SGPL1: variants seen among roughly 807,000 people sequenced by gnomAD.
The protein encoded by SGPL1 is sphingosine-1-phosphate lyase 1, also known as SP-lyase 1.
A neutral mutation model predicts 68.9 loss-of-function variants in SGPL1; 37 were observed. That is an observed-to-expected ratio of 0.54 (90% CI 0.41 to 0.71). The LOEUF (loss-of-function observed/expected upper bound fraction) is 0.71. Among genes scored for constraint, SGPL1 ranks in the 30% least tolerant of loss-of-function variants. SGPL1 has a pLI of 0.00. For missense variants in SGPL1, 551 were observed against 704.6 expected (o/e 0.78, Z 2.47); for synonymous variants, 236 against 248.5 (o/e 0.95, Z 0.47).
At chr10:70,839,008 A>T (rs116498974) in intron 2 of SGPL1, among the ~76,000 whole-genome samples, 1 of 152,206 alleles carries the variant, frequency 6.6e-6, no homozygotes, top group African/African-American at 2.4e-5. Context: ...TGTTGGGTAC[A>T]TTCATGAAAA....
chr10:70,845,036 C>T (rs140025578), intron 3 of SGPL1, among the ~76,000 whole-genome samples: 282 of 152,234 alleles, frequency 1.9e-3, no homozygotes, highest in African/African-American at 6.7e-3. Flanking sequence ...CCGTGCCCGG[C>T]CCTGGTTTGG....
chr10:70,819,545 G>C (rs1203831019), intron 2 of SGPL1, among the ~76,000 whole-genome samples: 1 of 151,710 alleles, frequency 6.6e-6, no homozygotes, highest in Non-Finnish European at 1.5e-5. Flanking sequence ...TGGGAAGAAA[G>C]GACCTAAGTG....
chr10:70,870,969 C>A, intron 9 of SGPL1, 79 bp from the exon 10 acceptor site: 1 of 1,219,712 alleles, frequency 8.2e-7, no homozygotes, highest in Non-Finnish European at 1.2e-6. Flanking sequence ...AAGCTAGCAG[C>A]CCAAATTGCT....
chr10:70,831,862 C>T (rs766276584), intron 2 of SGPL1, among the ~76,000 whole-genome samples: 2 of 152,142 alleles, frequency 1.3e-5, no homozygotes, highest in Non-Finnish European at 2.9e-5. Context: ...AGCCTTCCTT[C>T]CTCCAGAATA....
chr10:70,860,287 C>T (rs532681461), intron 7 of SGPL1: 1 of 436,878 alleles, frequency 2.3e-6, no homozygotes, highest in African/African-American at 2.1e-5. Context: ...AGGTGCTAAT[C>T]CTATCAGATA....
At chr10:70,842,945 T>C (rs978327458) in intron 2 of SGPL1, among the ~76,000 whole-genome samples, 7 of 151,486 alleles carry the variant, frequency 4.6e-5, no homozygotes, top group African/African-American at 1.7e-4. Flanking sequence ...GATTTAGTAC[T>C]GGATGAGACA....
chr10:70,833,463 A>G (rs1031456178), intron 2 of SGPL1, among the ~76,000 whole-genome samples: 2 of 152,282 alleles, frequency 1.3e-5, no homozygotes, highest in Non-Finnish European at 2.9e-5. Context: ...TTTGTTGCTC[A>G]GTTCTTACTT....
chr10:70,876,443 G>A (rs1352007506), intron 13 of SGPL1, 98 bp from the exon 14 acceptor site: 2 of 1,153,472 alleles, frequency 1.7e-6, no homozygotes, highest in African/African-American at 3.1e-5. Flanking sequence ...GAAATATTGT[G>A]AAAGGGCAAC....
At chr10:70,842,214 T>A (rs12268584) in intron 2 of SGPL1, among the ~76,000 whole-genome samples, 1,672 of 152,276 alleles carry the variant, frequency 0.011, 29 homozygotes, top group African/African-American at 0.038. Flanking sequence ...TGTTAGAGAA[T>A]ACTGAAATGA....
Position 70,831,567 on chromosome 10 carries a change from A to C in SGPL1, c.28-12906A>C, listed in dbSNP as rs371407634. On this transcript the variant is annotated intron_variant, in intron 2 of 14. Transcript: ENST00000373202. ...ACAGGTTTATTTTAAGGGATACTGC[A>C]AAGGTTACAAATGAAGAGATGCATG... Among the ~76,000 whole-genome samples, 27 of 152,304 alleles carry C rather than the reference A, an allele frequency of 1.8e-4. No individual in the cohort carries two copies. The East Asian group carries it at 3.1e-3, about 17-fold the overall frequency.
At chr10:70,835,879 T>C (rs966318991) in intron 2 of SGPL1, among the ~76,000 whole-genome samples, 1 of 152,232 alleles carries the variant, frequency 6.6e-6, no homozygotes, top group Non-Finnish European at 1.5e-5. Context: ...CATTACTGTT[T>C]TGAACATTTC....
chr10:70,817,019 G>A, intron 2 of SGPL1, 139 bp downstream of exon 2: 1 of 906,910 alleles, frequency 1.1e-6, no homozygotes, highest in Non-Finnish European at 1.8e-6. Flanking sequence ...ATTTTGTTTT[G>A]TTTTGTTTTG....
intron 5 of SGPL1, 192 bp from the exon 6 acceptor site, chr10:70,857,421 AT>A (rs1454460878): frequency 3.9e-5 from 20 of 512,754 alleles, no homozygotes; most frequent in Non-Finnish European, 5.9e-5. Flanking sequence ...GATAATAATG[AT>A]TTTTCATCTT....
chr10:70,819,306 C>T (rs1845294288), intron 2 of SGPL1, among the ~76,000 whole-genome samples: 1 of 152,148 alleles, frequency 6.6e-6, no homozygotes, highest in South Asian at 2.1e-4. Flanking sequence ...ATGCGAGTGG[C>T]CCTAGGCAGT....
chr10:70,863,127 C>T (rs1846108005), intron 7 of SGPL1, among the ~76,000 whole-genome samples: 1 of 152,038 alleles, frequency 6.6e-6, no homozygotes, highest in Non-Finnish European at 1.5e-5. Context: ...GCTGGGACTA[C>T]AGGCATGCAC....
At chr10:70,870,507 C>A (rs1168526075) in intron 9 of SGPL1, among the ~76,000 whole-genome samples, 6 of 143,100 alleles carry the variant, frequency 4.2e-5, no homozygotes, top group Non-Finnish European at 6.1e-5. Flanking sequence ...GACCCTGTCT[C>A]AAAAAAAAAA....
At chr10:70,872,088 A>G in intron 11 of SGPL1, 102 bp downstream of exon 11, 2 of 1,175,316 alleles carry the variant, frequency 1.7e-6, no homozygotes, top group Non-Finnish European at 2.4e-6. Flanking sequence ...TAACTATAGA[A>G]TTCTCATCAG....
At position 70,869,775 on chromosome 10, in the gene SGPL1, T is replaced by C. The variant is rs1175107384; in HGVS notation, c.705-17T>C. ...TTTGGCCTGAGTTACATTATTCTCC[T>C]CTTCCCTGTCATTTAGTGTGGCTCC... On this transcript the variant is annotated splice_polypyrimidine_tract_variant and intron_variant, in intron 8 of 14. Transcript: ENST00000373202. 1 of 1,605,804 alleles carries C rather than the reference T, an allele frequency of 6.2e-7. No individual in the cohort carries two copies. Among genetic ancestry groups the C allele is most frequent in the South Asian group, 1.1e-5 (1 of 90,652 alleles).
At position 70,869,895 on chromosome 10, in the gene SGPL1, C is replaced by T. The variant is rs779933081; in HGVS notation, c.808C>T (p.Arg270Trp). The T allele has an allele frequency of 9.3e-6, 15 of 1,612,868 alleles. No homozygotes were observed. The highest frequency in any genetic ancestry group is 1.2e-5 in the Non-Finnish European group (14 of 1,179,204). Residue 270 changes from arginine to tryptophan, a missense_variant and splice_region_variant, in exon 9 of 15, where the codon CGG (arginine) becomes TGG (tryptophan). Physicochemically the swap from Arg to Trp is moderately radical, Grantham distance 101 (BLOSUM62 -3). Coordinates refer to ENST00000373202, the MANE Select transcript of SGPL1 (RefSeq NM_003901.4). ...PLTKMMEVDV[R>W]AMRRAISRNT... ...GACGAAGATGATGGAGGTGGATGTG[C>T]GGGTGAGTCCCTCTGGAGGGCCCAC...
Sources: allele counts gnomAD v4.1 joint callset (sites outside exome capture counted in the v4.1 genomes callset), GRCh38; gene constraint gnomAD v4.1.1; transcripts MANE v1.5; gene names NCBI Gene and HGNC (gene_info 2026-07-23, HGNC 2026-07-21).